YTHDC1: variants seen among roughly 807,000 people sequenced by gnomAD.
YTHDC1 encodes the protein YTH domain-containing protein 1.
YTHDC1 carries 12 observed loss-of-function variants against 107.0 expected under a neutral mutation model. The ratio of observed to expected loss-of-function variants is 0.11; its 90% CI spans 0.07 to 0.18. The LOEUF is 0.18. Ranked by LOEUF, YTHDC1 falls within the 10% of genes least tolerant of loss-of-function variation. The probability of loss-of-function intolerance (pLI) is 1.00; values close to 1 mark genes in which losing one functional copy is unlikely to be tolerated. For synonymous variants in YTHDC1, 280 were observed against 289.5 expected (o/e 0.97, Z 0.33); for missense variants, 635 against 898.8 (o/e 0.71, Z 3.75).
intron 1 of YTHDC1, among the ~76,000 whole-genome samples, chr4:68,346,039 G>A (rs1053891345): frequency 1.3e-5 from 2 of 150,114 alleles, no homozygotes; most frequent in African/African-American, 2.5e-5. Flanking sequence ...TTGTGTGCAC[G>A]TGACTGTGTG....
In YTHDC1 at chr4:68,350,024, G is replaced by GACTCGGGCTAGGT. The variant is rs1235148483; in HGVS notation, c.-272_-271insACCTAGCCCGAGT. The GACTCGGGCTAGGT allele has an allele frequency of 5.4e-6, 3 of 558,962 alleles. No individual in the cohort carries two copies. In the East Asian group the frequency reaches 9.2e-5, roughly 17 times the overall value. 34.6% of individuals were successfully genotyped at this position (558,962 alleles called of 1,614,324 possible). On this transcript the variant is annotated 5_prime_UTR_variant, in exon 1 of 17. Transcript: ENST00000344157. ...AGGTATGGGGGAGGGAAGGGAAACAGATGGCGACGGCGGGCGGCGCTAAAA... is the reference window on the plus strand; with the variant it reads ...AGGTATGGGGGAGGGAAGGGAAACAGACTCGGGCTAGGTATGGCGACGGCGGGCGGCGCTAAAA...
At chr4:68,314,987 G>C (rs768091427) in intron 16 of YTHDC1, among the ~76,000 whole-genome samples, 1 of 152,028 alleles carries the variant, frequency 6.6e-6, no homozygotes, top group Non-Finnish European at 1.5e-5. Flanking sequence ...TTATATATGT[G>C]ATTATGTAAG....
chr4:68,314,378 GGA>G, intron 16 of YTHDC1, 55 bp from the exon 17 acceptor site: 1 of 1,475,106 alleles, frequency 6.8e-7, no homozygotes, highest in Non-Finnish European at 9.1e-7. Flanking sequence ...AGTGTTAAGT[GGA>G]TCCCTGATTT....
At chr4:68,315,603 A>G (rs528750371) in intron 16 of YTHDC1, among the ~76,000 whole-genome samples, 5 of 152,256 alleles carry the variant, frequency 3.3e-5, no homozygotes, top group Non-Finnish European at 7.4e-5. Flanking sequence ...ATTCTGCTTT[A>G]TAAATAAAAG....
intron 1 of YTHDC1, among the ~76,000 whole-genome samples, chr4:68,342,221 C>T (rs770265031): frequency 6.6e-6 from 1 of 152,062 alleles, no homozygotes; most frequent in African/African-American, 2.4e-5. Flanking sequence ...TCAAATGGGG[C>T]TGGGGCTGGG....
chr4:68,315,148 C>CA (rs1346308371), intron 16 of YTHDC1, among the ~76,000 whole-genome samples: 1 of 152,188 alleles, frequency 6.6e-6, no homozygotes, highest in African/African-American at 2.4e-5. Flanking sequence ...TAAGACACCA[C>CA]AACCCATCTA....
chr4:68,319,983 A>G, intron 12 of YTHDC1, 140 bp downstream of exon 12: 1 of 692,394 alleles, frequency 1.4e-6, no homozygotes, highest in Non-Finnish European at 2.4e-6. Flanking sequence ...GAGAACTACT[A>G]AAATTTCTCA....
rs1007814913 is a variant in YTHDC1 at position 68,322,537 on chromosome 4, A to G, written c.1601+212T>C. The stretch of plus-strand genomic sequence containing the variant: ...TATCACTGGTTATACTTTTTTCTGC[A>G]TAAGGAAAGATCCCCATTTTCCTCT... On this transcript the variant is annotated intron_variant, in intron 11 of 16. Coordinates refer to ENST00000344157, the MANE Select transcript of YTHDC1 (RefSeq NM_001031732.4). This position sits in a 1 kb window ranked among gnomAD's most constrained non-coding sequence, Gnocchi z 4.8. The G allele has an allele frequency of 1.4e-5, 8 of 554,940 alleles. No homozygotes were observed. The highest frequency in any genetic ancestry group is 6.0e-5 in the South Asian group (2 of 33,124). The allele number at this position is 554,940 out of a possible 1,614,324, so 34.4% of individuals were successfully genotyped here.
chr4:68,316,472 T>C (rs1351624524), intron 15 of YTHDC1, 24 bp from the exon 16 acceptor site: 3 of 1,607,654 alleles, frequency 1.9e-6, no homozygotes, highest in Non-Finnish European at 2.5e-6. Flanking sequence ...ACCATTTACA[T>C]TAAGAATCTA....
At chr4:68,334,078 G>C (rs1282765258) in intron 4 of YTHDC1, among the ~76,000 whole-genome samples, 1 of 152,088 alleles carries the variant, frequency 6.6e-6, no homozygotes, top group Non-Finnish European at 1.5e-5. Context: ...AAAAGGTTTG[G>C]ATTACCTGCC....
At position 68,324,238 on chromosome 4, in the gene YTHDC1, A is replaced by G. The variant is rs200685639; in HGVS notation, c.1350-15T>C. 18 of 1,600,994 alleles carry G rather than the reference A, an allele frequency of 1.1e-5. No homozygotes were observed. Among genetic ancestry groups the G allele is most frequent in the Admixed American group, 8.4e-5 (5 of 59,682 alleles). ...GTAATTCACGCCTAAATACAAAGTA[A>G]TATCAATTACATTCTTCTGCAGAAT... On this transcript the variant is annotated splice_polypyrimidine_tract_variant and intron_variant, in intron 9 of 16. Coordinates refer to ENST00000344157, the MANE Select transcript of YTHDC1 (RefSeq NM_001031732.4).
At chr4:68,319,309 T>C (rs1042306254) in intron 12 of YTHDC1, among the ~76,000 whole-genome samples, 4 of 151,972 alleles carry the variant, frequency 2.6e-5, no homozygotes, top group Admixed American at 6.6e-5. Flanking sequence ...GGGGAAAAAA[T>C]TGCAAAAGTT....
rs1242895860 is a variant in YTHDC1, at chr4:68,324,175, A to G, written c.1398T>C (p.Asn466=). Reference sequence around the variant, plus strand: ...GTCCGATCTTTACTGGTTTATGTTCATTCCAAGGATTGGTGAGATGAGCCG... The same window carrying G: ...GTCCGATCTTTACTGGTTTATGTTCGTTCCAAGGATTGGTGAGATGAGCCG... ...TKSAHLTNPW[N]EHKPVKIGRD... The change falls in exon 10 of 17, where the codon AAT becomes AAC. Residue 466 remains asparagine, a synonymous_variant. Coordinates refer to ENST00000344157, the MANE Select transcript of YTHDC1 (RefSeq NM_001031732.4). 1 of 1,614,096 alleles carries G rather than the reference A, an allele frequency of 6.2e-7. No individual in the cohort carries two copies. The highest frequency in any genetic ancestry group is 8.5e-7 in the Non-Finnish European group (1 of 1,179,966).
intron 1 of YTHDC1, among the ~76,000 whole-genome samples, chr4:68,346,671 G>C (rs1725480168): frequency 6.6e-6 from 1 of 152,126 alleles, no homozygotes; most frequent in African/African-American, 2.4e-5. Flanking sequence ...TCGGGTAGTA[G>C]ATCAACTGTC....
At chr4:68,339,551 T>C (rs1042623133) in intron 1 of YTHDC1, among the ~76,000 whole-genome samples, 2 of 152,170 alleles carry the variant, frequency 1.3e-5, no homozygotes, top group African/African-American at 2.4e-5. Context: ...GACAAAGATA[T>C]ATTATGTCTA....
rs1252487802 is a variant in YTHDC1 at position 68,349,788 on chromosome 4, C to A, written c.-35G>T. Reference sequence around the variant, plus strand: ...TCGGTTTCCGCCGCTGCCACCGCCGCCGCCGCTTAGACGCGACTCGCGCGG... The same window carrying A: ...TCGGTTTCCGCCGCTGCCACCGCCGACGCCGCTTAGACGCGACTCGCGCGG... On this transcript the variant is annotated 5_prime_UTR_variant, in exon 1 of 17. Transcript: ENST00000344157. 9 of 1,612,586 alleles carry A rather than the reference C, an allele frequency of 5.6e-6. No homozygotes were observed. Among genetic ancestry groups the A allele is most frequent in the Non-Finnish European group, 6.8e-6 (8 of 1,179,694 alleles).
chr4:68,315,974 A>T (rs1721810309), intron 16 of YTHDC1: 1 of 165,452 alleles, frequency 6.0e-6, no homozygotes, highest in South Asian at 2.0e-4. Flanking sequence ...AAGAATACAC[A>T]AAAAGTTCAG....
intron 9 of YTHDC1, among the ~76,000 whole-genome samples, chr4:68,326,956 G>A (rs1009864823): frequency 3.3e-5 from 5 of 151,678 alleles, no homozygotes; most frequent in African/African-American, 7.3e-5. Flanking sequence ...AATGGAGGCC[G>A]GGCGCAGTGG....
At chr4:68,349,477 T>C (rs1435035059) in intron 1 of YTHDC1, among the ~76,000 whole-genome samples, 2 of 151,902 alleles carry the variant, frequency 1.3e-5, no homozygotes, top group Admixed American at 6.6e-5. Flanking sequence ...AAACGGAAAG[T>C]CAAGCGTGAA....
Sources: allele counts gnomAD v4.1 joint callset (sites outside exome capture counted in the v4.1 genomes callset), GRCh38; gene constraint gnomAD v4.1.1; non-coding constraint Gnocchi (gnomAD v3.1); transcripts MANE v1.5; gene names NCBI Gene and HGNC (gene_info 2026-07-23, HGNC 2026-07-21).